The following VPS16 variants were observed in gnomAD, a reference collection of about 807,000 sequenced individuals.
VPS16 encodes the protein vacuolar protein sorting-associated protein 16 homolog.
VPS16 carries 82 observed loss-of-function variants against 116.0 expected under a neutral mutation model. The ratio of observed to expected loss-of-function variants is 0.71; its 90% CI spans 0.59 to 0.85. The LOEUF is 0.85. Ranked by LOEUF, VPS16 falls within the 40% of genes least tolerant of loss-of-function variation. The pLI, the probability that VPS16 is intolerant of heterozygous loss-of-function variation, is 0.00. For synonymous variants in VPS16, 406 were observed against 420.7 expected, an observed-to-expected ratio of 0.96 and a Z score of 0.43; for missense variants, 928 against 1,090.6, an observed-to-expected ratio of 0.85 and a Z score of 2.10.
intron 7 of VPS16, 43 bp downstream of exon 7, chr20:2,861,135 G>A: frequency 1.2e-6 from 2 of 1,614,106 alleles, no homozygotes; most frequent in African/African-American, 1.3e-5. Flanking sequence ...CCTTGTCCAG[G>A]GTACAAGATC....
intron 1 of VPS16, among the ~76,000 whole-genome samples, chr20:2,853,599 A>G (rs1287752337): frequency 6.6e-6 from 1 of 152,152 alleles, no homozygotes; most frequent in Admixed American, 6.5e-5. Flanking sequence ...TGAGGATTGG[A>G]ATCAACTTCT....
Position 2,866,273 on chromosome 20 carries a change from G to A in VPS16, c.2333G>A (p.Arg778His), listed in dbSNP as rs368137078. The A allele has an allele frequency of 2.7e-5, 43 of 1,613,944 alleles. No individual in the cohort carries two copies. Among genetic ancestry groups the A allele is most frequent in the Non-Finnish European group, 2.9e-5 (34 of 1,180,030 alleles). The change falls in exon 23 of 24, where the codon CGC becomes CAC. Residue 778 changes from arginine (R) to histidine (H), a missense_variant. Transcript: ENST00000380445. The stretch of plus-strand genomic sequence containing the variant: ...TACGAAGCCAAGAAGTATGCTTCCC[G>A]CGTGGGTCCCGAGCAGAAGGTCAAG... ...NKYEAKKYAS[R>H]VGPEQKVKAL... is the part of the protein sequence containing the mutation.
At chr20:2,840,930 C>A in intron 1 of VPS16, 103 bp downstream of exon 1, 1 of 1,060,946 alleles carries the variant, frequency 9.4e-7, no homozygotes, top group Non-Finnish European at 1.3e-6. Context: ...GCGCTGGGGT[C>A]CGCCCCGCGC....
chr20:2,841,064 T>C (rs2088965524), intron 1 of VPS16: 3 of 547,932 alleles, frequency 5.5e-6, no homozygotes, highest in Admixed American at 7.0e-5. Context: ...CCAGGTCTGT[T>C]AGCCTCCGGA....
At chr20:2,857,985 A>G (rs1039419347) in intron 1 of VPS16, among the ~76,000 whole-genome samples, 1 of 152,052 alleles carries the variant, frequency 6.6e-6, no homozygotes, top group African/African-American at 2.4e-5. Context: ...TGTATTTCCA[A>G]TCGATTCTTG....
At chr20:2,861,581 C>T in intron 8 of VPS16, 34 bp from the exon 9 acceptor site, 1 of 1,579,332 alleles carries the variant, frequency 6.3e-7, no homozygotes, top group South Asian at 1.2e-5. Flanking sequence ...GGCCATGGGA[C>T]AGTGTCTAGC....
At chr20:2,847,467 A>G (rs2089071840) in intron 1 of VPS16, among the ~76,000 whole-genome samples, 1 of 142,990 alleles carries the variant, frequency 7.0e-6, no homozygotes, top group African/African-American at 2.7e-5. Flanking sequence ...TGCTAAAATC[A>G]AACCGCCCCC....
intron 1 of VPS16, among the ~76,000 whole-genome samples, chr20:2,853,756 T>C (rs549549974): frequency 6.6e-6 from 1 of 152,252 alleles, no homozygotes; most frequent in South Asian, 2.1e-4. Context: ...CACTGCAACC[T>C]CCGTCTCCCG....
In VPS16 at chr20:2,854,960, A is replaced by AT. The variant is rs547295825; in HGVS notation, c.54-4741dup. On this transcript the variant is annotated intron_variant, in intron 1 of 23. Transcript: ENST00000380445. ...CCAGATACGTTGTCAATGAGCAGTA[A>AT]TTTTTTTTTTTTTTTTTTGAGATGG... Among the ~76,000 whole-genome samples, 1,064 of 110,102 alleles carry AT rather than the reference A, an allele frequency of 9.7e-3. 56 individuals are homozygous for AT. The highest frequency in any genetic ancestry group is 0.034 in the African/African-American group (877 of 25,684). 72.2% of individuals were successfully genotyped at this position (110,102 alleles called of 152,430 possible). A position where few individuals can be genotyped will look rare whatever the true frequency, so the allele number is the denominator to read the frequency against.
chr20:2,864,116 A>T lies in VPS16; in HGVS notation c.1611+33A>T. 6.2e-7 allele frequency: 1 copy of T among 1,613,652 alleles called. No homozygotes were observed. Among genetic ancestry groups the T allele is most frequent in the East Asian group, 2.2e-5 (1 of 44,858 alleles). ...TGCCCAGCCCTCCACAGACACTCTGATGTGGTTGTTCAGGGCCCCCATGCC... is the reference window on the plus strand; with the variant it reads ...TGCCCAGCCCTCCACAGACACTCTGTTGTGGTTGTTCAGGGCCCCCATGCC... On this transcript the variant is annotated intron_variant, in intron 16 of 23. Coordinates refer to ENST00000380445, the MANE Select transcript of VPS16 (RefSeq NM_022575.4). The surrounding 1 kb of genome is among the most constrained non-coding windows in gnomAD (Gnocchi z 5.2).
Position 2,866,656 on chromosome 20 carries a change from C to T in VPS16, c.*82C>T. 7.0e-6 allele frequency: 11 copies of T among 1,578,150 alleles called. No homozygotes were observed. The highest frequency in any genetic ancestry group is 8.6e-6 in the Non-Finnish European group (10 of 1,161,456). ...CAGAAGGGCCATAGTTCATCCAGCT[C>T]CTCCCCTAGAGCAATGCTGAGGAGC... On this transcript the variant is annotated 3_prime_UTR_variant, in exon 24 of 24. Transcript: ENST00000380445.
At chr20:2,862,780 C>T (rs2089249494) in intron 12 of VPS16, 27 bp from the exon 13 acceptor site, 1 of 1,613,314 alleles carries the variant, frequency 6.2e-7, no homozygotes, top group South Asian at 1.1e-5. Flanking sequence ...GGGAAGCTCT[C>T]TCCTATCGCC....
chr20:2,861,592 C>A, intron 8 of VPS16, 23 bp from the exon 9 acceptor site: 1 of 1,596,070 alleles, frequency 6.3e-7, no homozygotes, highest in Non-Finnish European at 8.5e-7. Flanking sequence ...AGTGTCTAGC[C>A]AGTGTGTATA....
chr20:2,854,077 C>A (rs2089147737), intron 1 of VPS16, among the ~76,000 whole-genome samples: 1 of 152,108 alleles, frequency 6.6e-6, no homozygotes, highest in African/African-American at 2.4e-5. Context: ...CCAGATCCAT[C>A]AGAGAAATTA....
rs1285835444 is a variant in VPS16, at chr20:2,842,752, GTATC to G, written c.53+1933_53+1936del. ...TATCTATCTATAGATACATATAGAT[GTATC>G]TATCTATAGATAGACATATAGATGT... is the stretch of plus-strand genomic sequence containing the variant. On this transcript the variant is annotated intron_variant, in intron 1 of 23. Coordinates refer to ENST00000380445, the MANE Select transcript of VPS16 (RefSeq NM_022575.4). Among the ~76,000 whole-genome samples, 14 of 131,070 alleles carry G rather than the reference GTATC, an allele frequency of 1.1e-4. 2 individuals are homozygous for G. In the South Asian group the frequency reaches 1.5e-3, roughly 14 times the overall value. The allele number at this position is 131,070 out of a possible 152,430, so 86.0% of individuals were successfully genotyped here. A position where few individuals can be genotyped will look rare whatever the true frequency, so the allele number is the denominator to read the frequency against.
chr20:2,855,489 A>G (rs571689028), intron 1 of VPS16, among the ~76,000 whole-genome samples: 3 of 110,928 alleles, frequency 2.7e-5, no homozygotes, highest in Middle Eastern at 3.8e-3. Context: ...CACTAGCTGC[A>G]TTAGGCCCCA....
chr20:2,842,676 A>ATAGATAGATACATCTAGATGTATCTATC (rs2088996345), intron 1 of VPS16, among the ~76,000 whole-genome samples: 1 of 109,368 alleles, frequency 9.1e-6, no homozygotes, highest in Non-Finnish European at 1.7e-5. Context: ...ATGTATCTAT[A>ATAGATAGATACATCTAGATGTATCTATC]TATATATAGA....
intron 1 of VPS16, among the ~76,000 whole-genome samples, chr20:2,848,314 G>A (rs1406302464): frequency 6.6e-6 from 1 of 152,100 alleles, no homozygotes; most frequent in Non-Finnish European, 1.5e-5. Context: ...TGCAGTCTTG[G>A]TTCACTGCAG....
chr20:2,852,465 T>C (rs1189863498), intron 1 of VPS16, among the ~76,000 whole-genome samples: 1 of 152,194 alleles, frequency 6.6e-6, no homozygotes, highest in Non-Finnish European at 1.5e-5. Context: ...AGATGTTTTT[T>C]CACCCAATGA....
Sources: allele counts gnomAD v4.1 joint callset (sites outside exome capture counted in the v4.1 genomes callset), GRCh38; gene constraint gnomAD v4.1.1; non-coding constraint Gnocchi (gnomAD v3.1); transcripts MANE v1.5; gene names NCBI Gene and HGNC (gene_info 2026-07-23, HGNC 2026-07-21).